The following VSTM2B variants were observed in gnomAD, a reference collection of about 807,000 sequenced individuals.
VSTM2B encodes V-set and transmembrane domain-containing protein 2B.
Under a neutral mutation model 24.0 loss-of-function variants are expected in VSTM2B, and 24 were observed. That is an observed-to-expected ratio of 1.00 (90% confidence interval 0.72 to 1.40). The LOEUF (loss-of-function observed/expected upper bound fraction) is 1.40, where lower values mean the gene tolerates loss of function less well. Among genes scored for constraint, VSTM2B ranks in the 40% most tolerant of loss-of-function variants. The probability of loss-of-function intolerance (pLI) is 0.00; values close to 1 mark genes in which losing one functional copy is unlikely to be tolerated. For missense variants in VSTM2B, 399 were observed against 416.4 expected (o/e 0.96, Z 0.36); for synonymous variants, 226 against 194.4 (o/e 1.16, Z -1.35).
Position 29,563,943 on chromosome 19 carries a change from A to C in VSTM2B, c.*9A>C. Reference sequence around the variant, plus strand: ...TGCTCTTGGGACATTGACAGACAAGACCAACCCGAGCATCTCAGAGGCCGC... The same window carrying C: ...TGCTCTTGGGACATTGACAGACAAGCCCAACCCGAGCATCTCAGAGGCCGC... On this transcript the variant is annotated 3_prime_UTR_variant, in exon 5 of 5. Transcript: ENST00000335523. 1 of 1,552,170 alleles carries C rather than the reference A, an allele frequency of 6.4e-7. No homozygotes were observed. Among genetic ancestry groups the C allele is most frequent in the Non-Finnish European group, 8.7e-7 (1 of 1,147,008 alleles).
chr19:29,563,944 C>G lies in VSTM2B; in HGVS notation c.*10C>G. 6.4e-7 allele frequency: 1 copy of G among 1,552,104 alleles called. No homozygotes were observed. Among genetic ancestry groups the G allele is most frequent in the Non-Finnish European group, 8.7e-7 (1 of 1,146,908 alleles). On this transcript the variant is annotated 3_prime_UTR_variant, in exon 5 of 5. Transcript: ENST00000335523. Reference sequence around the variant, plus strand: ...GCTCTTGGGACATTGACAGACAAGACCAACCCGAGCATCTCAGAGGCCGCA... The same window carrying G: ...GCTCTTGGGACATTGACAGACAAGAGCAACCCGAGCATCTCAGAGGCCGCA...
chr19:29,556,494 C>T (rs1970411767), intron 4 of VSTM2B, among the ~76,000 whole-genome samples: 1 of 152,188 alleles, frequency 6.6e-6, no homozygotes, highest in Non-Finnish European at 1.5e-5. Context: ...TGCCCTCTCT[C>T]ACCACTCCTA....
At chr19:29,547,551 T>A (rs1970182344) in intron 4 of VSTM2B, among the ~76,000 whole-genome samples, 1 of 152,066 alleles carries the variant, frequency 6.6e-6, no homozygotes, top group South Asian at 2.1e-4. Flanking sequence ...TGTCCTGGTT[T>A]TGGGTGGGGC....
chr19:29,536,495 C>G (rs933652478), intron 4 of VSTM2B, among the ~76,000 whole-genome samples: 1 of 152,212 alleles, frequency 6.6e-6, no homozygotes, highest in African/African-American at 2.4e-5. Context: ...ATCAGCAAGA[C>G]CCTAAATTCA....
At chr19:29,541,279 G>GA (rs2145485145) in intron 4 of VSTM2B, among the ~76,000 whole-genome samples, 1 of 152,318 alleles carries the variant, frequency 6.6e-6, no homozygotes, top group East Asian at 1.9e-4. Flanking sequence ...GAGGTGGGAT[G>GA]AATTTGATAG....
At chr19:29,528,504 G>C (rs1259131980) in intron 3 of VSTM2B, 42 bp downstream of exon 3, 16 of 1,549,756 alleles carry the variant, frequency 1.0e-5, no homozygotes, top group Non-Finnish European at 1.3e-5. Context: ...GACCCCTTCT[G>C]GCCGCCTCGG....
chr19:29,560,931 A>G (rs548543627), intron 4 of VSTM2B, among the ~76,000 whole-genome samples: 2 of 152,280 alleles, frequency 1.3e-5, no homozygotes, highest in Admixed American at 1.3e-4. Context: ...TTCCATGCAC[A>G]AGTGCATCCA....
intron 4 of VSTM2B, among the ~76,000 whole-genome samples, chr19:29,534,418 A>G (rs1302025013): frequency 6.6e-6 from 1 of 152,216 alleles, no homozygotes; most frequent in Admixed American, 6.5e-5. Flanking sequence ...ACCTGGGGGC[A>G]CTGAAGAGGC....
intron 4 of VSTM2B, among the ~76,000 whole-genome samples, chr19:29,544,518 T>A (rs1400343247): frequency 2.4e-5 from 2 of 83,980 alleles, no homozygotes; most frequent in African/African-American, 1.1e-4. Context: ...AGAGCGAGAC[T>A]CTGTCTCAAA....
At chr19:29,536,189 A>G (rs1313518280) in intron 4 of VSTM2B, among the ~76,000 whole-genome samples, 2 of 152,202 alleles carry the variant, frequency 1.3e-5, no homozygotes, top group African/African-American at 4.8e-5. Context: ...AGGGGGAACC[A>G]GAGATGGCAG....
chr19:29,528,821 G>T, intron 3 of VSTM2B: 2 of 847,754 alleles, frequency 2.4e-6, no homozygotes, highest in African/African-American at 1.8e-5. Flanking sequence ...GCTCGCCCTC[G>T]CCGCGACCGT....
Position 29,530,144 on chromosome 19 carries a change from C to T in VSTM2B, c.623C>T (p.Pro208Leu). ...AAGAGCCCGCCGCCCGGGAGCCCTC[C>T]CGCCGCCATCGATCCCGCAGTCCCC... ...GDKSPPPGSPPAAIDPAVPEA... is the reference protein window; with the variant it reads ...GDKSPPPGSPLAAIDPAVPEA... Residue 208 changes from proline to leucine, a missense_variant, in exon 4 of 5, where the codon CCC (proline) becomes CTC (leucine). Pro to Leu is a moderately conservative substitution (Grantham distance 98, BLOSUM62 -3). Coordinates refer to ENST00000335523, the MANE Select transcript of VSTM2B (RefSeq NM_001146339.2). 1 of 1,468,910 alleles carries T rather than the reference C, an allele frequency of 6.8e-7. No individual in the cohort carries two copies. 91.0% of individuals were successfully genotyped at this position (1,468,910 alleles called of 1,614,324 possible).
chr19:29,539,296 G>T lies in VSTM2B; in HGVS notation c.769+9006G>T, dbSNP rs116492406. ...GTCGTGCTTCTTTGTCATATAGGCTGCTGCCAGTGGCGCGGGCACTGTGAT... is the reference window on the plus strand; with the variant it reads ...GTCGTGCTTCTTTGTCATATAGGCTTCTGCCAGTGGCGCGGGCACTGTGAT... On this transcript the variant is annotated intron_variant, in intron 4 of 4. Coordinates refer to ENST00000335523, the MANE Select transcript of VSTM2B (RefSeq NM_001146339.2). Among the ~76,000 whole-genome samples, 1,099 of 152,258 alleles carry T rather than the reference G, an allele frequency of 7.2e-3. 10 individuals carry two copies. Among genetic ancestry groups the T allele is most frequent in the African/African-American group, 0.025 (1,042 of 41,536 alleles).
chr19:29,557,828 A>G (rs1342229580), intron 4 of VSTM2B, among the ~76,000 whole-genome samples: 4 of 152,240 alleles, frequency 2.6e-5, no homozygotes, highest in Non-Finnish European at 5.9e-5. Context: ...AGCAATTGCA[A>G]CAAAAGCAAA....
chr19:29,562,755 C>A (rs1970562258), intron 4 of VSTM2B, among the ~76,000 whole-genome samples: 1 of 152,172 alleles, frequency 6.6e-6, no homozygotes, highest in Non-Finnish European at 1.5e-5. Flanking sequence ...GGTGGGCTTT[C>A]CCCAGTTGCA....
intron 2 of VSTM2B, 52 bp downstream of exon 2, chr19:29,527,447 G>T: frequency 1.4e-6 from 2 of 1,403,762 alleles, no homozygotes; most frequent in Non-Finnish European, 1.8e-6. Flanking sequence ...CGCCCGGGGC[G>T]GCGAAGGCTA....
chr19:29,528,930 G>A (rs1248143461), intron 3 of VSTM2B: 4 of 985,336 alleles, frequency 4.1e-6, no homozygotes, highest in African/African-American at 1.7e-5. Flanking sequence ...GTCTGGGTGC[G>A]GGGTGTTGCA....
intron 4 of VSTM2B, among the ~76,000 whole-genome samples, chr19:29,547,924 G>A (rs536525811): frequency 5.9e-5 from 9 of 152,188 alleles, no homozygotes; most frequent in African/African-American, 1.4e-4. Context: ...CCCCAACTGC[G>A]GCACTCAGGC....
In VSTM2B at chr19:29,562,338, A is replaced by G. The variant is rs538272883; in HGVS notation, c.770-1508A>G. 2.0e-5 allele frequency among the ~76,000 whole-genome samples: 3 copies of G among 152,130 alleles called. No homozygotes were observed. The South Asian group carries it at 6.2e-4, about 31-fold the overall frequency. ...GTGTGCTGCTACCTGGAGAGAGGAGAGCTGTGCATTCAGGCCCAGCCTTGT... is the reference window on the plus strand; with the variant it reads ...GTGTGCTGCTACCTGGAGAGAGGAGGGCTGTGCATTCAGGCCCAGCCTTGT... On this transcript the variant is annotated intron_variant, in intron 4 of 4. Coordinates refer to ENST00000335523, the MANE Select transcript of VSTM2B (RefSeq NM_001146339.2).
Sources: allele counts gnomAD v4.1 joint callset (sites outside exome capture counted in the v4.1 genomes callset), GRCh38; gene constraint gnomAD v4.1.1; transcripts MANE v1.5; gene names NCBI Gene and HGNC (gene_info 2026-07-23, HGNC 2026-07-21).